Variants in SYT9 observed in about 807,000 individuals in gnomAD.
The protein encoded by SYT9 is synaptotagmin 9, also known as synaptotagmin-9.
A neutral mutation model predicts 48.4 loss-of-function variants in SYT9; 22 were observed. The observed-to-expected ratio is 0.45, with a 90% confidence interval of 0.32 to 0.65. The LOEUF (loss-of-function observed/expected upper bound fraction) is 0.65, where lower values mean the gene tolerates loss of function less well. Ranked by LOEUF, SYT9 falls within the 30% of genes least tolerant of loss-of-function variation. The pLI is 0.03. For synonymous variants in SYT9, 265 were observed against 245.0 expected, an observed-to-expected ratio of 1.08 and a Z score of -0.76; for missense variants, 577 against 622.0, an observed-to-expected ratio of 0.93 and a Z score of 0.77.
At chr11:7,322,346 A>G (rs1849352270) in intron 3 of SYT9, among the ~76,000 whole-genome samples, 1 of 152,196 alleles carries the variant, frequency 6.6e-6, no homozygotes, top group Non-Finnish European at 1.5e-5. Flanking sequence ...AGCAACTCGA[A>G]AAACACCACA....
intron 3 of SYT9, among the ~76,000 whole-genome samples, chr11:7,401,306 T>C (rs947765706): frequency 1.5e-4 from 22 of 150,800 alleles, no homozygotes; most frequent in Admixed American, 1.3e-4. Context: ...CATTATATTT[T>C]GTATATATAT....
chr11:7,345,615 A>C (rs1406127742), intron 3 of SYT9, among the ~76,000 whole-genome samples: 5 of 152,218 alleles, frequency 3.3e-5, no homozygotes, highest in Non-Finnish European at 5.9e-5. Context: ...AAGTAAGATC[A>C]TGTGTTCCAT....
Position 7,432,585 on chromosome 11 carries a change from ATATATACAT to A in SYT9, c.1467+11951_1467+11959del, listed in dbSNP as rs1847622927. Among the ~76,000 whole-genome samples the A allele has an allele frequency of 9.5e-3, 25 of 2,644 alleles. 3 individuals are homozygous for A. Among genetic ancestry groups the A allele is most frequent in the Admixed American group, 0.02 (4 of 198 alleles). The allele number at this position is 2,644 out of a possible 152,430, so 1.7% of individuals were successfully genotyped here. On this transcript the variant is annotated intron_variant, in intron 6 of 6. Transcript: ENST00000318881. ...AAAAAAAAAAAAAAAAAAAAAAAAT[ATATATACAT>A]ATATATATATATATATATATATATA... is the stretch of plus-strand genomic sequence containing the variant.
intron 6 of SYT9, chr11:7,441,629 C>G (rs963229682): frequency 4.6e-5 from 7 of 152,150 alleles, no homozygotes; most frequent in African/African-American, 1.7e-4. Context: ...CCTTTCTGTT[C>G]ATCTTCAGGT....
chr11:7,316,840 T>A (rs1849251987), intron 3 of SYT9, among the ~76,000 whole-genome samples: 1 of 152,230 alleles, frequency 6.6e-6, no homozygotes, highest in Non-Finnish European at 1.5e-5. Flanking sequence ...GTATGCAAAA[T>A]GATATATTAT....
At chr11:7,256,766 A>G (rs1379265461) in intron 1 of SYT9, among the ~76,000 whole-genome samples, 3 of 151,656 alleles carry the variant, frequency 2.0e-5, no homozygotes, top group Non-Finnish European at 2.9e-5. Flanking sequence ...TCATGTTCCA[A>G]CTCCATATTC....
rs373278771 is a variant in SYT9 at position 7,442,485 on chromosome 11, A to G, written c.1467+21850A>G. Among the ~76,000 whole-genome samples the G allele has an allele frequency of 3.3e-5, 5 of 152,240 alleles. No homozygotes were observed. The East Asian group carries it at 7.7e-4, about 24-fold the overall frequency. On this transcript the variant is annotated intron_variant, in intron 6 of 6. Transcript: ENST00000318881. ...TCAGCACAGGACTCGTGCTGCCAAC[A>G]CTGTGACTCTAGACTATCTTGCTGG...
intron 6 of SYT9, among the ~76,000 whole-genome samples, chr11:7,437,041 C>G (rs138759978): frequency 1.4e-3 from 211 of 152,330 alleles, no homozygotes; most frequent in African/African-American, 5.0e-3. Flanking sequence ...AGACGCTGGA[C>G]AAGTGTTTGT....
chr11:7,349,317 A>G lies in SYT9; in HGVS notation c.1044+35376A>G, dbSNP rs57599714. 7.7e-3 allele frequency among the ~76,000 whole-genome samples: 1,169 copies of G among 152,152 alleles called. 12 individuals carry two copies. The highest frequency in any genetic ancestry group is 0.027 in the African/African-American group (1,110 of 41,514). On this transcript the variant is annotated intron_variant, in intron 3 of 6. Transcript: ENST00000318881. Reference sequence around the variant, plus strand: ...ATGTACTTAATAGCCACTGAACTGTATACTTACACATGGTTAAAATGATAA... The same window carrying G: ...ATGTACTTAATAGCCACTGAACTGTGTACTTACACATGGTTAAAATGATAA...
chr11:7,442,281 G>A (rs1263592324), intron 6 of SYT9, among the ~76,000 whole-genome samples: 1 of 152,172 alleles, frequency 6.6e-6, no homozygotes, highest in Non-Finnish European at 1.5e-5. Flanking sequence ...ACTCGAAGAG[G>A]GGCTGGAGAA....
At chr11:7,461,114 T>A (rs1848227736) in intron 6 of SYT9, 1 of 152,122 alleles carries the variant, frequency 6.6e-6, no homozygotes, top group Admixed American at 6.5e-5. Flanking sequence ...TTTTATTTTA[T>A]AACCCAGTGC....
intron 3 of SYT9, among the ~76,000 whole-genome samples, chr11:7,324,672 T>C (rs1849396379): frequency 1.3e-5 from 2 of 151,944 alleles, no homozygotes; most frequent in Non-Finnish European, 2.9e-5. Flanking sequence ...TAAAGGTGTG[T>C]TTTTAAAATT....
chr11:7,379,524 C>T (rs7947307), intron 3 of SYT9, among the ~76,000 whole-genome samples: 61,764 of 151,852 alleles, frequency 0.41, 13,713 homozygotes, highest in East Asian at 0.83. Context: ...GAAGAATATT[C>T]TAAATCTTCT....
chr11:7,315,252 A>T (rs2133955756), intron 3 of SYT9, among the ~76,000 whole-genome samples: 1 of 152,366 alleles, frequency 6.6e-6, no homozygotes. Flanking sequence ...AATAATACAC[A>T]TAAACCCAAC....
intron 2 of SYT9, among the ~76,000 whole-genome samples, chr11:7,309,087 C>G (rs141182922): frequency 2.6e-5 from 4 of 152,336 alleles, no homozygotes; most frequent in African/African-American, 9.6e-5. Context: ...TCTTTGAACT[C>G]AAGCTTTCCA....
chr11:7,352,871 G>T (rs1849944530), intron 3 of SYT9, among the ~76,000 whole-genome samples: 1 of 152,048 alleles, frequency 6.6e-6, no homozygotes, highest in Non-Finnish European at 1.5e-5. Context: ...TTAAAAGTGG[G>T]GTGTGAGATG....
At chr11:7,352,399 T>A (rs1849934871) in intron 3 of SYT9, among the ~76,000 whole-genome samples, 1 of 152,128 alleles carries the variant, frequency 6.6e-6, no homozygotes, top group Non-Finnish European at 1.5e-5. Flanking sequence ...TGTAGACTAG[T>A]CAGAAAGTTG....
In SYT9 at chr11:7,459,499, G is replaced by A. The variant is rs144045431; in HGVS notation, c.1468-7293G>A. 1.2e-4 allele frequency among the ~76,000 whole-genome samples: 18 copies of A among 152,330 alleles called. No homozygotes were observed. In the East Asian group the frequency reaches 3.5e-3, roughly 29 times the overall value. The stretch of plus-strand genomic sequence containing the variant: ...GCAAGAAAGAAATTGTTTCCAGGAA[G>A]AGGGAATGCCCAGATGTGACAAATA... On this transcript the variant is annotated intron_variant, in intron 6 of 6. Transcript: ENST00000318881.
chr11:7,376,672 C>A (rs558870183), intron 3 of SYT9, among the ~76,000 whole-genome samples: 2 of 152,146 alleles, frequency 1.3e-5, no homozygotes, highest in Admixed American at 1.3e-4. Context: ...GCCTGTTAGT[C>A]TCTAATATAG....
Sources: gnomAD v4.1 joint callset for allele counts (sites outside exome capture counted in the v4.1 genomes callset) on GRCh38, gnomAD v4.1.1 for gene constraint, MANE v1.5 for transcripts, NCBI Gene and HGNC (gene_info 2026-07-23, HGNC 2026-07-21) for gene names.